FRMD3: variants seen among roughly 807,000 people sequenced by gnomAD.
The protein encoded by FRMD3 is FERM domain-containing protein 3.
A neutral mutation model predicts 70.2 loss-of-function variants in FRMD3; 33 were observed. The observed-to-expected ratio is 0.47, with a 90% CI of 0.36 to 0.63. The LOEUF is 0.63. FRMD3 is among the 20% of genes least tolerant of loss of function. The probability of loss-of-function intolerance (pLI) is 0.00; values close to 1 mark genes in which losing one functional copy is unlikely to be tolerated. For missense variants in FRMD3, 632 were observed against 711.4 expected, an observed-to-expected ratio of 0.89 and a Z score of 1.27; for synonymous variants, 279 against 255.9, an observed-to-expected ratio of 1.09 and a Z score of -0.86.
In FRMD3 at chr9:83,357,241, ACATACATATATATATATATATATATAT is replaced by A. The variant is rs1824399274; in HGVS notation, c.296-7511_296-7485del. The stretch of plus-strand genomic sequence containing the variant: ...TATATATATTTTATATATATATAAT[ACATACATATATATATATATATATATAT>A]ATATATATATATATATATATATATA... On this transcript the variant is annotated intron_variant, in intron 3 of 13. Coordinates refer to ENST00000304195, the MANE Select transcript of FRMD3 (RefSeq NM_174938.6). Among the ~76,000 whole-genome samples the A allele has an allele frequency of 1.1e-3, 8 of 7,066 alleles. 1 individual carries two copies. The highest frequency in any genetic ancestry group is 3.2e-3 in the African/African-American group (7 of 2,154). 4.6% of individuals were successfully genotyped at this position (7,066 alleles called of 152,430 possible). A position where few individuals can be genotyped will look rare whatever the true frequency, so the allele number is the denominator to read the frequency against.
chr9:83,500,429 C>T (rs1382042279), intron 1 of FRMD3, among the ~76,000 whole-genome samples: 1 of 151,156 alleles, frequency 6.6e-6, no homozygotes, highest in Admixed American at 6.6e-5. Flanking sequence ...TTTTAATCAT[C>T]TTGAATATCC....
intron 3 of FRMD3, 114 bp downstream of exon 3, chr9:83,372,798 AC>A (rs139866957): frequency 7.7e-6 from 7 of 914,932 alleles, no homozygotes; most frequent in Admixed American, 3.8e-5. Flanking sequence ...AAGCCCCCAC[AC>A]CCCCCAACAC....
chr9:83,269,214 G>A (rs969685374), intron 13 of FRMD3, among the ~76,000 whole-genome samples: 13 of 152,288 alleles, frequency 8.5e-5, no homozygotes, highest in Admixed American at 1.3e-4. Context: ...TGTCTGAAGG[G>A]AATATAGATA....
intron 3 of FRMD3, among the ~76,000 whole-genome samples, chr9:83,368,139 G>C (rs1035042678): frequency 6.6e-6 from 1 of 152,118 alleles, no homozygotes; most frequent in African/African-American, 2.4e-5. Context: ...CAGTGGTTGC[G>C]AGTTGTTGGA....
At chr9:83,353,142 C>G (rs1824218142) in intron 3 of FRMD3, among the ~76,000 whole-genome samples, 1 of 152,036 alleles carries the variant, frequency 6.6e-6, no homozygotes, top group Non-Finnish European at 1.5e-5. Flanking sequence ...GACCCCATGT[C>G]ACCAATAAAA....
At chr9:83,344,496 G>C (rs1001959368) in intron 4 of FRMD3, among the ~76,000 whole-genome samples, 2 of 152,186 alleles carry the variant, frequency 1.3e-5, no homozygotes, top group African/African-American at 4.8e-5. Context: ...ACCCTCCCCA[G>C]TGTGAGTGGA....
intron 1 of FRMD3, among the ~76,000 whole-genome samples, chr9:83,481,290 G>A (rs745375227): frequency 1.8e-4 from 27 of 152,176 alleles, no homozygotes; most frequent in African/African-American, 3.1e-4. Flanking sequence ...CAAGTGTGTC[G>A]TGAACTAAGG....
At position 83,337,074 on chromosome 9, in the gene FRMD3, G is replaced by A. The variant is rs551503062; in HGVS notation, c.473-1435C>T. ...TAAGTCTCCACCCAAAAGTGAACAT[G>A]GGATGCATGTTGCTTATGTGCTAGC... On this transcript the variant is annotated intron_variant, in intron 5 of 13. Transcript: ENST00000304195. Among the ~76,000 whole-genome samples the A allele has an allele frequency of 1.4e-4, 21 of 152,200 alleles. No homozygotes were observed. In the South Asian group the frequency reaches 4.4e-3, roughly 32 times the overall value.
chr9:83,467,275 G>A (rs1406515191), intron 1 of FRMD3, among the ~76,000 whole-genome samples: 1 of 152,188 alleles, frequency 6.6e-6, no homozygotes. Flanking sequence ...GACCTCAGCA[G>A]GAAGCCCAGG....
intron 6 of FRMD3, among the ~76,000 whole-genome samples, chr9:83,326,099 A>G (rs1428665229): frequency 6.6e-6 from 1 of 152,208 alleles, no homozygotes; most frequent in Non-Finnish European, 1.5e-5. Context: ...GAACACAGGA[A>G]CGTGAAACCA....
intron 1 of FRMD3, among the ~76,000 whole-genome samples, chr9:83,415,299 A>C (rs1826399279): frequency 6.6e-6 from 1 of 152,222 alleles, no homozygotes; most frequent in African/African-American, 2.4e-5. Flanking sequence ...GAAGGCAGAG[A>C]GTGGCTCTGG....
the FRMD3 span, among the ~76,000 whole-genome samples, chr9:83,558,301 T>A: frequency 6.6e-6 from 1 of 152,164 alleles, no homozygotes. Flanking sequence ...CACATGTGCA[T>A]GTGTGCGCCT....
intron 1 of FRMD3, among the ~76,000 whole-genome samples, chr9:83,419,210 A>G (rs1001525299): frequency 1.1e-4 from 17 of 152,228 alleles, no homozygotes; most frequent in African/African-American, 3.1e-4. Context: ...GTTACAGGGC[A>G]CTAAAATCTC....
At chr9:83,287,107 TTC>T (rs1361454540) in intron 13 of FRMD3, among the ~76,000 whole-genome samples, 1 of 152,196 alleles carries the variant, frequency 6.6e-6, no homozygotes, top group African/African-American at 2.4e-5. Context: ...TCTAGTTGCA[TTC>T]TCTCTGCCTG....
chr9:83,519,721 T>C (rs1379539724), intron 1 of FRMD3, among the ~76,000 whole-genome samples: 1 of 152,166 alleles, frequency 6.6e-6, no homozygotes, highest in Non-Finnish European at 1.5e-5. Context: ...CTATTCACAA[T>C]AGCAAAGACT....
At chr9:83,373,097 C>A in intron 2 of FRMD3, 142 bp from the exon 3 acceptor site, 1 of 680,242 alleles carries the variant, frequency 1.5e-6, no homozygotes, top group Non-Finnish European at 2.6e-6. Flanking sequence ...TGAAGACCAA[C>A]ATAAACAACT....
chr9:83,347,752 T>C (rs1398896945), intron 4 of FRMD3, among the ~76,000 whole-genome samples: 1 of 152,232 alleles, frequency 6.6e-6, no homozygotes, highest in Non-Finnish European at 1.5e-5. Flanking sequence ...CAATTTATCA[T>C]ACAAGAAAAA....
At chr9:83,403,464 T>A (rs1277484150) in intron 1 of FRMD3, among the ~76,000 whole-genome samples, 1 of 152,162 alleles carries the variant, frequency 6.6e-6, no homozygotes, top group Non-Finnish European at 1.5e-5. Flanking sequence ...ATATCTCAGT[T>A]ATACTTGGTG....
chr9:83,273,969 C>T (rs962236340), intron 13 of FRMD3, among the ~76,000 whole-genome samples: 3 of 152,080 alleles, frequency 2.0e-5, no homozygotes, highest in African/African-American at 7.2e-5. Flanking sequence ...AAGTACACGC[C>T]ATCAAATTTG....
Sources: gnomAD v4.1 joint callset for allele counts (sites outside exome capture counted in the v4.1 genomes callset) on GRCh38, gnomAD v4.1.1 for gene constraint, MANE v1.5 for transcripts, NCBI Gene and HGNC (gene_info 2026-07-23, HGNC 2026-07-21) for gene names.